The following AK9 variants were observed in gnomAD, a reference collection of about 807,000 sequenced individuals.
AK9 encodes adenylate kinase domain containing 1.
Under a neutral mutation model 239.6 loss-of-function variants are expected in AK9, and 191 were observed. The ratio of observed to expected loss-of-function variants is 0.80; its 90% CI spans 0.71 to 0.90. AK9 has a LOEUF of 0.90. AK9 is among the 40% of genes least tolerant of loss of function. The probability of loss-of-function intolerance (pLI) is 0.00; values close to 1 mark genes in which losing one functional copy is unlikely to be tolerated. For synonymous variants in AK9, 689 were observed against 721.0 expected (o/e 0.96, Z 0.71); for missense variants, 1,995 against 2,214.7 (o/e 0.90, Z 1.99).
chr6:109,646,904 C>T (rs1798139983), intron 8 of AK9, among the ~76,000 whole-genome samples: 2 of 152,124 alleles, frequency 1.3e-5, no homozygotes, highest in African/African-American at 4.8e-5. Context: ...GCAGAAACTC[C>T]ACAAGCCAGA....
intron 35 of AK9, among the ~76,000 whole-genome samples, chr6:109,502,957 A>ATGTG (rs58542655): frequency 0.1 from 14,876 of 145,368 alleles, 1,155 homozygotes; most frequent in African/African-American, 0.22. Flanking sequence ...CAGGAACGGT[A>ATGTG]TGTGTGTGTG....
chr6:109,598,438 GT>G (rs1165579961), intron 17 of AK9, among the ~76,000 whole-genome samples: 1 of 152,162 alleles, frequency 6.6e-6, no homozygotes, highest in East Asian at 1.9e-4. Flanking sequence ...ATTCCATGGT[GT>G]ATATGTGCCA....
chr6:109,656,624 A>T, intron 8 of AK9, 132 bp downstream of exon 8: 1 of 1,044,566 alleles, frequency 9.6e-7, no homozygotes, highest in South Asian at 1.9e-5. Context: ...TTTTTCTGAC[A>T]GCTTTCTACA....
intron 18 of AK9, 40 bp downstream of exon 18, chr6:109,585,876 A>G (rs745477509): frequency 6.6e-7 from 1 of 1,515,248 alleles, no homozygotes; most frequent in Non-Finnish European, 8.9e-7. Context: ...ATCAATAACA[A>G]AACTTCACTT....
chr6:109,651,183 TAACA>T (rs1349236834), intron 8 of AK9, among the ~76,000 whole-genome samples: 4 of 151,826 alleles, frequency 2.6e-5, no homozygotes, highest in Non-Finnish European at 5.9e-5. Context: ...TATACATATG[TAACA>T]AACCTGCACG....
chr6:109,584,676 CAT>C (rs1240062956), intron 19 of AK9, among the ~76,000 whole-genome samples: 4 of 152,082 alleles, frequency 2.6e-5, no homozygotes, highest in Non-Finnish European at 5.9e-5. Context: ...ACCTGTCAAA[CAT>C]AAATAATTAG....
At chr6:109,592,039 CA>C (rs1790315257) in intron 17 of AK9, among the ~76,000 whole-genome samples, 1 of 152,016 alleles carries the variant, frequency 6.6e-6, no homozygotes, top group Admixed American at 6.6e-5. Context: ...TTGTCTATTT[CA>C]GAAAAATTGG....
chr6:109,542,073 A>G lies in AK9; in HGVS notation c.3324T>C (p.Ser1108=), dbSNP rs1359429752. The G allele has an allele frequency of 6.2e-7, 1 of 1,604,348 alleles. No homozygotes were observed. Residue 1108 remains serine, a synonymous_variant, in exon 27 of 41, where the codon TCT becomes TCC. Transcript: ENST00000424296. The part of the protein sequence containing the change: ...LPPEILEVIL[S]EWWLKEPIRS... ...GTATTGGTTCCTTAAGCCACCACTC[A>G]GAAAGAATTACTTCAAGAATTTCAG...
At chr6:109,517,071 T>C (rs780064883) in intron 29 of AK9, among the ~76,000 whole-genome samples, 2 of 152,196 alleles carry the variant, frequency 1.3e-5, no homozygotes, top group Non-Finnish European at 2.9e-5. Flanking sequence ...CTGGTTGTAG[T>C]AGCAGTGTGC....
At chr6:109,621,018 C>G (rs1234907588) in intron 12 of AK9, among the ~76,000 whole-genome samples, 3 of 151,724 alleles carry the variant, frequency 2.0e-5, no homozygotes, top group Non-Finnish European at 4.4e-5. Context: ...TGTCAAAGAT[C>G]TACAATGAAC....
chr6:109,646,460 G>C (rs1206715686), intron 8 of AK9, among the ~76,000 whole-genome samples: 1 of 152,140 alleles, frequency 6.6e-6, no homozygotes, highest in Non-Finnish European at 1.5e-5. Context: ...ACAAGCTTCA[G>C]TAGCTGATTC....
At chr6:109,683,435 A>C (rs1006550515) in intron 1 of AK9, among the ~76,000 whole-genome samples, 7 of 152,218 alleles carry the variant, frequency 4.6e-5, no homozygotes, top group African/African-American at 1.7e-4. Flanking sequence ...AGGGTATTCA[A>C]ATAGGGAGAG....
chr6:109,564,876 A>C (rs781478382), intron 21 of AK9, 31 bp from the exon 22 acceptor site: 1 of 1,451,714 alleles, frequency 6.9e-7, no homozygotes, highest in Non-Finnish European at 9.3e-7. Context: ...GTTAGTGTTT[A>C]AATTTGAAAA....
intron 8 of AK9, among the ~76,000 whole-genome samples, chr6:109,651,176 A>G (rs537543199): frequency 1.3e-5 from 2 of 152,244 alleles, no homozygotes; most frequent in South Asian, 4.1e-4. Flanking sequence ...GCACATGTAT[A>G]CATATGTAAC....
chr6:109,674,413 ATAGTT>A (rs1210195032), intron 2 of AK9, 152 bp from the exon 3 acceptor site: 3 of 523,036 alleles, frequency 5.7e-6, no homozygotes, highest in South Asian at 4.3e-5. Context: ...CTAGATACGT[ATAGTT>A]TAGTTTTTCT....
chr6:109,604,218 G>T (rs372388278), intron 17 of AK9, among the ~76,000 whole-genome samples: 1 of 152,010 alleles, frequency 6.6e-6, no homozygotes, highest in Admixed American at 6.6e-5. Context: ...TGGAACCGCC[G>T]TGTAAATTTT....
At chr6:109,579,255 C>T in intron 20 of AK9, 1 of 238,954 alleles carries the variant, frequency 4.2e-6, no homozygotes, top group Non-Finnish European at 8.0e-6. Flanking sequence ...TAAAGACAAG[C>T]CGTGTGTGCT....
At position 109,659,229 on chromosome 6, in the gene AK9, T is replaced by G. The variant is rs943023951; in HGVS notation, c.629A>C (p.Glu210Ala). The change falls in exon 7 of 41, where the codon GAG (glutamate) becomes GCG (alanine). Residue 210 changes from glutamate (E) to alanine (A), a missense_variant and splice_region_variant. Glu to Ala is a moderately radical substitution (Grantham distance 107, BLOSUM62 -1). This residue lies in a region of AK9 where 252 missense variants were observed against 246.4 expected (regional missense o/e 1.02). Transcript: ENST00000424296. ...EEEEEEQEEE[E>A]AFIAEMQMVA... ...GGTAGTTACCTATTGAGATATTACC[T>G]CTTCTTCTTCTTGCTCTTCTTCCTC... 2.6e-6 allele frequency: 4 copies of G among 1,560,686 alleles called. No homozygotes were observed. The highest frequency in any genetic ancestry group is 3.5e-6 in the Non-Finnish European group (4 of 1,158,798).
chr6:109,586,383 C>A (rs536937620), intron 17 of AK9, among the ~76,000 whole-genome samples: 1 of 152,070 alleles, frequency 6.6e-6, no homozygotes, highest in Admixed American at 6.6e-5. Context: ...GCCACTGCAC[C>A]AGTGTCAGAC....
Sources: allele counts gnomAD v4.1 joint callset (sites outside exome capture counted in the v4.1 genomes callset), GRCh38; gene constraint gnomAD v4.1.1; regional missense constraint gnomAD v4.1.1; transcripts MANE v1.5; gene names NCBI Gene and HGNC (gene_info 2026-07-23, HGNC 2026-07-21).